TRIM49C: variants seen among roughly 807,000 people sequenced by gnomAD.
TRIM49C encodes the protein tripartite motif-containing protein 49C.
TRIM49C carries 6 observed loss-of-function variants against 21.4 expected under a neutral mutation model. That is an observed-to-expected ratio of 0.28 (90% CI 0.15 to 0.55). The LOEUF is 0.55. Ranked by LOEUF, TRIM49C falls within the 20% of genes least tolerant of loss-of-function variation. The pLI, the probability that TRIM49C is intolerant of heterozygous loss-of-function variation, is 0.94. For synonymous variants in TRIM49C, 57 were observed against 148.1 expected (o/e 0.38, Z 4.47); for missense variants, 161 against 442.4 (o/e 0.36, Z 5.71).
chr11:90,035,805 T>C, intron 3 of TRIM49C, 83 bp from the exon 4 acceptor site: 5 of 522,950 alleles, frequency 9.6e-6, no homozygotes, highest in Non-Finnish European at 1.5e-5. Context: ...TGCCATTTAC[T>C]AGGGGCTTAT....
rs1037103390 is a variant in TRIM49C, at chr11:90,031,977, CA to C, written c.-190-412del. On this transcript the variant is annotated intron_variant, in intron 1 of 7. Coordinates refer to ENST00000448984, the MANE Select transcript of TRIM49C (RefSeq NM_001195234.1). ...ACACTGACGTTACCAAAAATTTCAA[CA>C]AAAAAAATTAGCCAGGTGATATAGT... 3.2e-3 allele frequency among the ~76,000 whole-genome samples: 430 copies of C among 134,968 alleles called. 66 individuals are homozygous for C. Among genetic ancestry groups the C allele is most frequent in the Admixed American group, 0.013 (147 of 11,758 alleles). 88.5% of individuals were successfully genotyped at this position (134,968 alleles called of 152,430 possible).
the TRIM49C span, among the ~76,000 whole-genome samples, chr11:90,054,511 C>A: frequency 5.8e-5 from 8 of 137,386 alleles, 1 homozygote; most frequent in African/African-American, 1.3e-4. Context: ...TCATTGCTAT[C>A]TTTGCCTCCT....
chr11:90,061,962 C>T, the TRIM49C span: 1 of 380,686 alleles, frequency 2.6e-6, no homozygotes, highest in Non-Finnish European at 4.4e-6. Context: ...TTCATTCTTA[C>T]CACTAATGAA....
downstream of TRIM49C, among the ~76,000 whole-genome samples, chr11:90,045,619 T>C: frequency 2.9e-5 from 2 of 70,016 alleles, 1 homozygote; most frequent in Non-Finnish European, 5.1e-5. Flanking sequence ...TTTTGCACAT[T>C]GATTTTGTAC....
At chr11:90,068,473 A>G in the TRIM49C span, among the ~76,000 whole-genome samples, 1 of 143,770 alleles carries the variant, frequency 7.0e-6, no homozygotes, top group Non-Finnish European at 1.5e-5. Context: ...AAAGAAAGAG[A>G]TATCATGAGC....
At chr11:90,068,477 CA>C in the TRIM49C span, among the ~76,000 whole-genome samples, 1 of 143,864 alleles carries the variant, frequency 7.0e-6, no homozygotes, top group African/African-American at 2.5e-5. Flanking sequence ...AAAGAGATAT[CA>C]TGAGCTTAAT....
the TRIM49C span, among the ~76,000 whole-genome samples, chr11:90,069,232 G>A: frequency 1.3e-4 from 16 of 126,636 alleles, 1 homozygote; most frequent in Admixed American, 5.8e-4. Flanking sequence ...AGCCTCCCAA[G>A]TAGCTGGGAC....
chr11:90,048,976 C>T, the TRIM49C span, among the ~76,000 whole-genome samples: 1 of 126,936 alleles, frequency 7.9e-6, no homozygotes, highest in Non-Finnish European at 1.6e-5. Flanking sequence ...GTTAGTTTTC[C>T]TTCTAACAGT....
the TRIM49C span, among the ~76,000 whole-genome samples, chr11:90,055,725 A>G: frequency 1.4e-5 from 2 of 146,340 alleles, no homozygotes; most frequent in African/African-American, 5.1e-5. Context: ...TTCCTGCTGC[A>G]TGGGACATGG....
Position 90,041,488 on chromosome 11 carries a change from AC to A in TRIM49C, c.1299del (p.Ile434SerfsTer57). The A allele has an allele frequency of 6.7e-7, 1 of 1,495,254 alleles. No individual in the cohort carries two copies. The allele number at this position is 1,495,254 out of a possible 1,614,324, so 92.6% of individuals were successfully genotyped here. A position where few individuals can be genotyped will look rare whatever the true frequency, so the allele number is the denominator to read the frequency against. On this transcript the variant is annotated frameshift_variant, in exon 8 of 8. Coordinates refer to ENST00000448984, the MANE Select transcript of TRIM49C (RefSeq NM_001195234.1). LOFTEE classifies it high-confidence loss of function. ...VDVNQSSLIY[T>X]IPNCSFSPPL... is the part of the protein sequence containing the mutation. ...TGTTAATCAAAGCTCCCTAATATACACCATCCCTAATTGCTCTTTCTCACCT... is the reference window on the plus strand; with the variant it reads ...TGTTAATCAAAGCTCCCTAATATACACATCCCTAATTGCTCTTTCTCACCT...
At position 90,035,844 on chromosome 11, in the gene TRIM49C, T is replaced by C. The variant is rs1950724500; in HGVS notation, c.412-44T>C. The C allele has an allele frequency of 7.1e-6, 4 of 559,756 alleles. 1 individual carries two copies. In the South Asian group the frequency reaches 9.7e-5, roughly 14 times the overall value. 34.7% of individuals were successfully genotyped at this position (559,756 alleles called of 1,614,324 possible). A position where few individuals can be genotyped will look rare whatever the true frequency, so the allele number is the denominator to read the frequency against. On this transcript the variant is annotated intron_variant, in intron 3 of 7. Transcript: ENST00000448984. ...TCTCTCATTCTGGGCCCCCTCCCTA[T>C]GTCATGGTCTGCACTGGTGCTTCAA...
At chr11:90,056,107 C>T in the TRIM49C span, among the ~76,000 whole-genome samples, 11 of 135,252 alleles carry the variant, frequency 8.1e-5, 1 homozygote, top group Admixed American at 5.8e-4. Flanking sequence ...TACAGGCGCC[C>T]GCCACCGCGC....
At chr11:90,067,658 T>C in the TRIM49C span, among the ~76,000 whole-genome samples, 7 of 141,530 alleles carry the variant, frequency 4.9e-5, no homozygotes, top group South Asian at 7.2e-4. Context: ...TAGCTATCAA[T>C]AGCCTACTGT....
chr11:90,065,611 C>G, the TRIM49C span, among the ~76,000 whole-genome samples: 2 of 140,812 alleles, frequency 1.4e-5, 1 homozygote, highest in African/African-American at 5.1e-5. Flanking sequence ...GCTCAACAGA[C>G]AAGTTTGGAA....
intron 7 of TRIM49C, among the ~76,000 whole-genome samples, 178 bp from the exon 8 acceptor site, chr11:90,040,873 G>A (rs1950762497): frequency 6.8e-6 from 1 of 147,786 alleles, no homozygotes; most frequent in Non-Finnish European, 1.5e-5. Flanking sequence ...AATATCTGTG[G>A]TTAGGGTTTT....
rs1388906799 is a variant in TRIM49C at position 90,038,960 on chromosome 11, C to A, written c.761+245C>A. ...TTTGAGACGCTGTCTGGCTCTGTCG[C>A]CCAGGCTGGAGTGCAATGGCGCCAT... is the stretch of plus-strand genomic sequence containing the variant. On this transcript the variant is annotated intron_variant, in intron 6 of 7. Transcript: ENST00000448984. Among the ~76,000 whole-genome samples the A allele has an allele frequency of 1.4e-5, 2 of 137,998 alleles. 1 individual carries two copies. Among genetic ancestry groups the A allele is most frequent in the Non-Finnish European group, 3.2e-5 (2 of 63,476 alleles). 90.5% of individuals were successfully genotyped at this position (137,998 alleles called of 152,430 possible).
chr11:90,051,877 A>C, the TRIM49C span: 1 of 454,002 alleles, frequency 2.2e-6, no homozygotes, highest in Non-Finnish European at 3.9e-6. Context: ...CTTCTCCTGC[A>C]CCTTGGCCTG....
At chr11:90,063,099 A>C in the TRIM49C span, 7 of 954,628 alleles carry the variant, frequency 7.3e-6, no homozygotes, top group Non-Finnish European at 8.8e-6. Flanking sequence ...TTCTTTGTCT[A>C]CTTGAGCTCT....
the TRIM49C span, among the ~76,000 whole-genome samples, chr11:90,071,540 G>T: frequency 2.6e-3 from 375 of 143,294 alleles, 18 homozygotes; most frequent in African/African-American, 8.8e-3. Flanking sequence ...ACGGAGTGAA[G>T]AGTTAGAAAG....
Sources: allele counts gnomAD v4.1 joint callset (sites outside exome capture counted in the v4.1 genomes callset), GRCh38; gene constraint gnomAD v4.1.1; transcripts MANE v1.5; gene names NCBI Gene and HGNC (gene_info 2026-07-23, HGNC 2026-07-21).